MCHR2: variants seen among roughly 807,000 people sequenced by gnomAD.
MCHR2 encodes the protein melanin-concentrating hormone receptor 2.
A neutral mutation model predicts 24.8 loss-of-function variants in MCHR2; 15 were observed. The ratio of observed to expected loss-of-function variants is 0.60; its 90% CI spans 0.40 to 0.93. MCHR2 has a LOEUF of 0.93. Ranked by LOEUF, MCHR2 falls within the 40% of genes least tolerant of loss-of-function variation. MCHR2 has a pLI of 0.00. For synonymous variants in MCHR2, 151 were observed against 147.6 expected (o/e 1.02, Z -0.17); for missense variants, 386 against 408.7 (o/e 0.94, Z 0.48).
At chr6:99,952,801 A>C (rs906088870) in intron 2 of MCHR2, among the ~76,000 whole-genome samples, 22 of 152,266 alleles carry the variant, frequency 1.4e-4, no homozygotes, top group African/African-American at 4.1e-4. Context: ...AAATCTTAGC[A>C]AAAAAATTAA....
chr6:99,934,278 A>G (rs1467041220), intron 5 of MCHR2, 120 bp downstream of exon 5: 2 of 1,029,654 alleles, frequency 1.9e-6, no homozygotes, highest in Non-Finnish European at 2.6e-6. Context: ...ATAGACATAT[A>G]TCAATGTCCA....
intron 1 of MCHR2, among the ~76,000 whole-genome samples, chr6:99,959,542 C>T (rs1775136688): frequency 6.7e-6 from 1 of 149,498 alleles, no homozygotes; most frequent in East Asian, 2.1e-4. Context: ...ACTAAAGAAA[C>T]AGTTAGATAC....
At chr6:99,960,027 C>G (rs374667206) in intron 1 of MCHR2, among the ~76,000 whole-genome samples, 6 of 151,890 alleles carry the variant, frequency 4.0e-5, no homozygotes, top group Non-Finnish European at 8.8e-5. Context: ...TCAAGAAGAC[C>G]AGCCTACCTC....
chr6:99,970,772 C>T (rs866503249), intron 1 of MCHR2, among the ~76,000 whole-genome samples: 11 of 152,178 alleles, frequency 7.2e-5, no homozygotes, highest in Non-Finnish European at 1.3e-4. Context: ...TTTCAGCTTT[C>T]TACATATGGC....
intron 5 of MCHR2, among the ~76,000 whole-genome samples, chr6:99,926,149 A>G (rs1363341419): frequency 6.6e-6 from 1 of 152,148 alleles, no homozygotes; most frequent in East Asian, 1.9e-4. Context: ...CCATGTCCCT[A>G]TAAAGGACAT....
Position 99,919,140 on chromosome 6 carries a change from G to T in MCHR2, c.*1800C>A, listed in dbSNP as rs533785069. 1.4e-4 allele frequency among the ~76,000 whole-genome samples: 21 copies of T among 152,094 alleles called. No homozygotes were observed. Among genetic ancestry groups the T allele is most frequent in the African/African-American group, 4.6e-4 (19 of 41,414 alleles). ...TGTGGCCATGACACAGCTTCTTATT[G>T]ACGTTTTATAGGAGCATCCAGCTGC... On this transcript the variant is annotated 3_prime_UTR_variant, in exon 6 of 6. Coordinates refer to ENST00000281806, the MANE Select transcript of MCHR2 (RefSeq NM_001040179.2).
intron 2 of MCHR2, among the ~76,000 whole-genome samples, chr6:99,953,938 A>G (rs1052092173): frequency 1.2e-4 from 18 of 152,096 alleles, no homozygotes; most frequent in Admixed American, 5.9e-4. Context: ...CTAACTGCAG[A>G]GATAGCGAAA....
chr6:99,982,506 G>C (rs1775690484), intron 1 of MCHR2, among the ~76,000 whole-genome samples: 1 of 147,456 alleles, frequency 6.8e-6, no homozygotes, highest in Non-Finnish European at 1.5e-5. Context: ...AGGTGTGGTG[G>C]CGCACATCTG....
chr6:99,968,242 T>A (rs1430861320), intron 1 of MCHR2, among the ~76,000 whole-genome samples: 4 of 152,134 alleles, frequency 2.6e-5, no homozygotes, highest in African/African-American at 9.7e-5. Context: ...AGGCTCTCAG[T>A]TGTTAGTCCT....
Sources: gnomAD v4.1 joint callset for allele counts (sites outside exome capture counted in the v4.1 genomes callset) on GRCh38, gnomAD v4.1.1 for gene constraint, MANE v1.5 for transcripts, NCBI Gene and HGNC (gene_info 2026-07-23, HGNC 2026-07-21) for gene names.